RASSF5: variants seen among roughly 807,000 people sequenced by gnomAD.
RASSF5 encodes Ras association domain family member 5, also known as ras association domain-containing protein 5.
In RASSF5, 25 loss-of-function variants were observed where a neutral mutation model predicts 40.5. The observed-to-expected ratio is 0.62, with a 90% confidence interval of 0.45 to 0.86. The LOEUF (loss-of-function observed/expected upper bound fraction) is 0.86, where lower values mean the gene tolerates loss of function less well. Ranked by LOEUF, RASSF5 falls within the 40% of genes least tolerant of loss-of-function variation. RASSF5 has a pLI of 0.00. For missense variants in RASSF5, 521 were observed against 572.8 expected, an observed-to-expected ratio of 0.91 and a Z score of 0.92; for synonymous variants, 246 against 252.4, an observed-to-expected ratio of 0.97 and a Z score of 0.24.
At chr1:206,539,050 A>T (rs369779323) in intron 2 of RASSF5, among the ~76,000 whole-genome samples, 12 of 152,322 alleles carry the variant, frequency 7.9e-5, no homozygotes, top group African/African-American at 2.9e-4. Flanking sequence ...ATATAGTGCA[A>T]TTGTTTCTGC....
At chr1:206,555,086 G>T (rs1189918711) in intron 2 of RASSF5, among the ~76,000 whole-genome samples, 2 of 152,172 alleles carry the variant, frequency 1.3e-5, no homozygotes, top group African/African-American at 4.8e-5. Flanking sequence ...GGGAAATAAT[G>T]GATGTTAAAA....
chr1:206,583,136 C>T (rs1051675096), intron 2 of RASSF5, 133 bp from the exon 3 acceptor site: 13 of 638,546 alleles, frequency 2.0e-5, no homozygotes, highest in Admixed American at 4.6e-5. Flanking sequence ...ACTCCGAGTC[C>T]GTGCAGTTAG....
chr1:206,527,877 G>A (rs1274291876), intron 1 of RASSF5, among the ~76,000 whole-genome samples: 1 of 152,140 alleles, frequency 6.6e-6, no homozygotes, highest in African/African-American at 2.4e-5. Flanking sequence ...GGCTGTTGAG[G>A]AGCAGCCAGG....
intron 2 of RASSF5, among the ~76,000 whole-genome samples, chr1:206,548,405 G>A (rs1176599865): frequency 2.6e-5 from 4 of 152,092 alleles, no homozygotes; most frequent in East Asian, 1.9e-4. Context: ...AGGAGGAGGC[G>A]CCAAGCTCCT....
intron 1 of RASSF5, among the ~76,000 whole-genome samples, chr1:206,515,851 G>A (rs1553395333): frequency 6.6e-6 from 1 of 152,214 alleles, no homozygotes; most frequent in Non-Finnish European, 1.5e-5. Flanking sequence ...AAAGAATTAT[G>A]TGGATTATTT....
chr1:206,546,910 A>C (rs1360774128), intron 2 of RASSF5, among the ~76,000 whole-genome samples: 1 of 152,194 alleles, frequency 6.6e-6, no homozygotes, highest in Non-Finnish European at 1.5e-5. Context: ...GTAAGGAGGG[A>C]ACCATCTGTA....
chr1:206,546,013 C>T (rs529204550), intron 2 of RASSF5, among the ~76,000 whole-genome samples: 24 of 144,390 alleles, frequency 1.7e-4, no homozygotes, highest in African/African-American at 1.0e-4. Flanking sequence ...TGCAGTGGCG[C>T]GATCTCGGCT....
chr1:206,529,400 G>T, intron 1 of RASSF5: 1 of 765,020 alleles, frequency 1.3e-6, no homozygotes. Context: ...ATCCCATTGA[G>T]CTGGTCGTCT....
intron 1 of RASSF5, among the ~76,000 whole-genome samples, chr1:206,520,123 C>T (rs968863771): frequency 3.9e-5 from 6 of 152,212 alleles, no homozygotes; most frequent in African/African-American, 1.4e-4. Flanking sequence ...GGTCAGGGCA[C>T]ATACCGCACT....
chr1:206,517,486 A>G (rs1666780583), intron 1 of RASSF5, among the ~76,000 whole-genome samples: 1 of 152,090 alleles, frequency 6.6e-6, no homozygotes. Flanking sequence ...AAAAAGAAAA[A>G]AGAACAAGTG....
At chr1:206,555,497 C>T (rs376441806) in intron 2 of RASSF5, among the ~76,000 whole-genome samples, 2 of 144,962 alleles carry the variant, frequency 1.4e-5, no homozygotes, top group East Asian at 2.0e-4. Context: ...CAGGAAACCA[C>T]CTCTCTGGGG....
rs115270020 is a variant in RASSF5, at chr1:206,521,366, A to T, written c.457+13307A>T. Among the ~76,000 whole-genome samples, 853 of 152,340 alleles carry T rather than the reference A, an allele frequency of 5.6e-3. 7 individuals carry two copies. Among genetic ancestry groups the T allele is most frequent in the African/African-American group, 0.019 (799 of 41,574 alleles). On this transcript the variant is annotated intron_variant, in intron 1 of 5. Transcript: ENST00000579436. ...GATGATTGGCACTTTGAATAGCTGCAAGTGACATCAAAGCAGGTGTGGAAA... is the reference window on the plus strand; with the variant it reads ...GATGATTGGCACTTTGAATAGCTGCTAGTGACATCAAAGCAGGTGTGGAAA...
chr1:206,521,833 G>T (rs566104201), intron 1 of RASSF5, among the ~76,000 whole-genome samples: 1 of 152,308 alleles, frequency 6.6e-6, no homozygotes, highest in South Asian at 2.1e-4. Flanking sequence ...AGGGCCCAGA[G>T]CCCAGGGCTG....
At chr1:206,538,582 C>T (rs1433799337) in intron 2 of RASSF5, among the ~76,000 whole-genome samples, 12 of 152,176 alleles carry the variant, frequency 7.9e-5, no homozygotes, top group African/African-American at 2.9e-4. Context: ...GGGTGGCTTC[C>T]AGAGAAGCCT....
chr1:206,538,750 C>T lies in RASSF5; in HGVS notation c.579+457C>T, dbSNP rs73079049. On this transcript the variant is annotated intron_variant, in intron 2 of 5. Transcript: ENST00000579436. ...AGAACCAGAAAATTGATGTCCAAAG[C>T]AGCTTTTGGTTCTGGGTTTTGTAAA... 5.9e-3 allele frequency among the ~76,000 whole-genome samples: 904 copies of T among 152,292 alleles called. 13 individuals carry two copies. The highest frequency in any genetic ancestry group is 0.02 in the African/African-American group (846 of 41,560).
At chr1:206,509,191 C>A (rs1553394313) in intron 1 of RASSF5, among the ~76,000 whole-genome samples, 1 of 152,252 alleles carries the variant, frequency 6.6e-6, no homozygotes, top group African/African-American at 2.4e-5. Flanking sequence ...TCCCATCCAA[C>A]TGCAGCGTTG....
chr1:206,529,828 T>C, intron 1 of RASSF5: 1 of 371,828 alleles, frequency 2.7e-6, no homozygotes, highest in Non-Finnish European at 5.1e-6. Context: ...AGTGGGAGGA[T>C]TGCTTGAGCC....
intron 2 of RASSF5, among the ~76,000 whole-genome samples, chr1:206,540,883 C>G (rs1256733702): frequency 6.6e-6 from 1 of 152,038 alleles, no homozygotes; most frequent in Non-Finnish European, 1.5e-5. Flanking sequence ...AGTGGCATTT[C>G]TCCTCTCTGA....
chr1:206,557,348 C>T, intron 2 of RASSF5: 1 of 1,307,450 alleles, frequency 7.6e-7, no homozygotes, highest in Non-Finnish European at 9.7e-7. Flanking sequence ...GGCGCGGGGA[C>T]AGGAGCAGGT....
Sources: gnomAD v4.1 joint callset for allele counts (sites outside exome capture counted in the v4.1 genomes callset) on GRCh38, gnomAD v4.1.1 for gene constraint, MANE v1.5 for transcripts, NCBI Gene and HGNC (gene_info 2026-07-23, HGNC 2026-07-21) for gene names.